Variants in SLC30A9 observed in about 807,000 individuals in gnomAD.
The protein encoded by SLC30A9 is proton-coupled zinc antiporter SLC30A9, mitochondrial.
SLC30A9 carries 58 observed loss-of-function variants against 87.5 expected under a neutral mutation model. The observed-to-expected ratio is 0.66, with a 90% CI of 0.54 to 0.82. The LOEUF is 0.82. Ranked by LOEUF, SLC30A9 falls within the 40% of genes least tolerant of loss-of-function variation. SLC30A9 has a pLI of 0.00. For synonymous variants in SLC30A9, 234 were observed against 233.0 expected, an observed-to-expected ratio of 1.00 and a Z score of -0.04; for missense variants, 557 against 679.1, an observed-to-expected ratio of 0.82 and a Z score of 2.00.
chr4:42,078,715 A>T (rs1435166448), intron 17 of SLC30A9: 1 of 153,066 alleles, frequency 6.5e-6, no homozygotes, highest in East Asian at 1.9e-4. Flanking sequence ...CTTTTAGCCC[A>T]TTTGAAATTA....
intron 2 of SLC30A9, 76 bp from the exon 3 acceptor site, chr4:42,018,035 T>G: frequency 6.5e-6 from 5 of 764,640 alleles, no homozygotes; most frequent in Non-Finnish European, 8.9e-6. Flanking sequence ...CTATATTACA[T>G]TGGCTAATAT....
chr4:42,066,235 G>A (rs1377263873), intron 12 of SLC30A9, among the ~76,000 whole-genome samples: 1 of 152,110 alleles, frequency 6.6e-6, no homozygotes, highest in African/African-American at 2.4e-5. Flanking sequence ...CTATGAAATG[G>A]TTATAACACA....
At chr4:42,050,704 G>A (rs1427990078) in intron 9 of SLC30A9, among the ~76,000 whole-genome samples, 2 of 152,158 alleles carry the variant, frequency 1.3e-5, no homozygotes, top group Non-Finnish European at 2.9e-5. Flanking sequence ...TTAATCTTTT[G>A]CCATAGACAA....
intron 2 of SLC30A9, among the ~76,000 whole-genome samples, chr4:42,005,304 T>C (rs1442935203): frequency 1.3e-5 from 2 of 152,224 alleles, no homozygotes; most frequent in East Asian, 3.9e-4. Flanking sequence ...AGTAGCATTA[T>C]TGGGACCACA....
chr4:42,083,135 T>C (rs541743918), intron 17 of SLC30A9, among the ~76,000 whole-genome samples: 2 of 152,344 alleles, frequency 1.3e-5, no homozygotes, highest in South Asian at 2.1e-4. Flanking sequence ...ATTCATAAAT[T>C]CCTTATAAAT....
intron 6 of SLC30A9, among the ~76,000 whole-genome samples, chr4:42,025,566 T>C (rs1716151324): frequency 6.6e-6 from 1 of 152,226 alleles, no homozygotes; most frequent in Non-Finnish European, 1.5e-5. Flanking sequence ...AAAATCCAAG[T>C]TCTTTAAATC....
At chr4:42,064,341 C>G (rs1438430568) in intron 11 of SLC30A9, among the ~76,000 whole-genome samples, 1 of 152,108 alleles carries the variant, frequency 6.6e-6, no homozygotes, top group Admixed American at 6.6e-5. Flanking sequence ...ATACTTGTAC[C>G]TATTTTCTTC....
At chr4:42,078,134 TG>T (rs1718625840) in intron 16 of SLC30A9, 77 bp from the exon 17 acceptor site, 2 of 658,460 alleles carry the variant, frequency 3.0e-6, no homozygotes, top group African/African-American at 1.9e-5. Context: ...GTTATAGGTT[TG>T]TTTTTTTTTA....
At chr4:41,998,205 A>G (rs865806843) in intron 1 of SLC30A9, among the ~76,000 whole-genome samples, 1 of 152,204 alleles carries the variant, frequency 6.6e-6, no homozygotes. Flanking sequence ...AGGCCATGAG[A>G]GTAAAATAAA....
intron 4 of SLC30A9, among the ~76,000 whole-genome samples, chr4:42,022,384 A>C (rs10461066): frequency 0.65 from 97,859 of 151,112 alleles, 35,815 homozygotes; most frequent in East Asian, 0.96. Context: ...GGCACCACCA[A>C]ACCCAGCTAA....
chr4:42,023,288 G>A lies in SLC30A9; in HGVS notation c.528-14G>A, dbSNP rs749424167. 1.3e-6 allele frequency: 2 copies of A among 1,580,828 alleles called. No individual in the cohort carries two copies. The highest frequency in any genetic ancestry group is 1.7e-6 in the Non-Finnish European group (2 of 1,150,410). On this transcript the variant is annotated splice_polypyrimidine_tract_variant and intron_variant, in intron 5 of 17. Transcript: ENST00000264451. ...TAAAATTGTTCATTGTGGTGACCAT[G>A]TGTGTATGCACAGATCTTTGGAAGT...
At chr4:42,045,686 A>T in intron 8 of SLC30A9, among the ~76,000 whole-genome samples, 1 of 152,116 alleles carries the variant, frequency 6.6e-6, no homozygotes, top group Admixed American at 6.6e-5. Flanking sequence ...TATTCCAAAC[A>T]ATAGGAAAAG....
chr4:42,007,481 G>A (rs1560536322), intron 2 of SLC30A9, among the ~76,000 whole-genome samples: 1 of 152,176 alleles, frequency 6.6e-6, no homozygotes, highest in Non-Finnish European at 1.5e-5. Context: ...GTCGGGTGCA[G>A]TGGCTCATGC....
At chr4:42,068,544 C>G (rs1240790752) in intron 14 of SLC30A9, among the ~76,000 whole-genome samples, 2 of 152,122 alleles carry the variant, frequency 1.3e-5, no homozygotes, top group Non-Finnish European at 2.9e-5. Flanking sequence ...CACGCCCGGC[C>G]GGAACTTAAC....
At chr4:42,041,756 G>T (rs574988169) in intron 8 of SLC30A9, among the ~76,000 whole-genome samples, 15 of 152,228 alleles carry the variant, frequency 9.9e-5, no homozygotes, top group African/African-American at 3.4e-4. Context: ...AGCCAGCTAG[G>T]GGGTGGCGGG....
intron 8 of SLC30A9, among the ~76,000 whole-genome samples, chr4:42,047,932 A>G (rs1359931054): frequency 2.6e-5 from 4 of 152,212 alleles, no homozygotes; most frequent in African/African-American, 4.8e-5. Flanking sequence ...TTGCAGGGAC[A>G]TGGATGAAGC....
At chr4:42,084,734 G>C (rs1203960609) in intron 17 of SLC30A9, among the ~76,000 whole-genome samples, 2 of 152,146 alleles carry the variant, frequency 1.3e-5, no homozygotes, top group Non-Finnish European at 2.9e-5. Flanking sequence ...GCCTCCCAGA[G>C]TGCTGGGATT....
At chr4:42,029,234 A>C in intron 6 of SLC30A9, 1 of 441,268 alleles carries the variant, frequency 2.3e-6, no homozygotes, top group Non-Finnish European at 4.5e-6. Flanking sequence ...GCCAATGAGG[A>C]GGGCAGTTGG....
At chr4:42,034,784 G>A (rs1282648568) in intron 6 of SLC30A9, among the ~76,000 whole-genome samples, 4 of 152,126 alleles carry the variant, frequency 2.6e-5, no homozygotes, top group South Asian at 2.1e-4. Flanking sequence ...TTCTTTGGAC[G>A]TATGTCCAGA....
Sources: allele counts gnomAD v4.1 joint callset (sites outside exome capture counted in the v4.1 genomes callset), GRCh38; gene constraint gnomAD v4.1.1; transcripts MANE v1.5; gene names NCBI Gene and HGNC (gene_info 2026-07-23, HGNC 2026-07-21).